The following C4orf50 variants were observed in gnomAD, a reference collection of about 807,000 sequenced individuals.
C4orf50 encodes uncharacterized protein C4orf50.
In C4orf50, 80 loss-of-function variants were observed where a neutral mutation model predicts 77.2. That is an observed-to-expected ratio of 1.04 (90% CI 0.87 to 1.25). The LOEUF is 1.25. Ranked by LOEUF, C4orf50 falls within the 50% of genes most tolerant of loss-of-function variation. The pLI, the probability that C4orf50 is intolerant of heterozygous loss-of-function variation, is 0.00. For missense variants in C4orf50, 1,257 were observed against 1,152.9 expected (o/e 1.09, Z -1.31); for synonymous variants, 532 against 465.3 (o/e 1.14, Z -1.84).
intron 7 of C4orf50, among the ~76,000 whole-genome samples, chr4:5,917,314 T>C (rs979853586): frequency 1.7e-4 from 26 of 151,752 alleles, no homozygotes; most frequent in Non-Finnish European, 3.7e-4. Flanking sequence ...TACAGGAAAG[T>C]ATAACTGAAA....
chr4:5,951,497 G>A (rs903058804), intron 7 of C4orf50, among the ~76,000 whole-genome samples: 10 of 152,080 alleles, frequency 6.6e-5, no homozygotes, highest in African/African-American at 2.2e-4. Flanking sequence ...TGATTACCCT[G>A]CAAACCAACA....
At chr4:5,948,242 G>T (rs75701412) in intron 7 of C4orf50, among the ~76,000 whole-genome samples, 2 of 152,232 alleles carry the variant, frequency 1.3e-5, no homozygotes, top group African/African-American at 4.8e-5. Flanking sequence ...AGGGGGCAAC[G>T]GGAAGTGCTG....
chr4:5,932,336 A>C lies in C4orf50; in HGVS notation c.*2474+24565T>G, dbSNP rs1323409221. On this transcript the variant is annotated intron_variant, in intron 7 of 7. Coordinates refer to the C4orf50 transcript ENST00000324058. This position sits in a 1 kb window ranked among gnomAD's most constrained non-coding sequence, Gnocchi z 4.2. ...TCCGTAAAGAATCCAGCCATCAAAG[A>C]GGGAGGCAGGCAGCGGACAGCTTGC... Among the ~76,000 whole-genome samples the C allele has an allele frequency of 2.0e-5, 3 of 152,196 alleles. No homozygotes were observed. Among genetic ancestry groups the C allele is most frequent in the Non-Finnish European group, 2.9e-5 (2 of 68,030 alleles).
chr4:5,963,855 C>A (rs1180735384), intron 33 of C4orf50, among the ~76,000 whole-genome samples: 2 of 152,148 alleles, frequency 1.3e-5, no homozygotes, highest in Non-Finnish European at 2.9e-5. Flanking sequence ...ACTTGCCCAA[C>A]ATCACAGGGA....
intron 7 of C4orf50, among the ~76,000 whole-genome samples, chr4:5,928,364 A>ACG (rs1717613344): frequency 1.9e-5 from 1 of 52,152 alleles, no homozygotes. Context: ...ACACACACAT[A>ACG]CACACACACA....
At chr4:5,965,491 T>C (rs1177729467) in intron 32 of C4orf50, among the ~76,000 whole-genome samples, 1 of 152,256 alleles carries the variant, frequency 6.6e-6, no homozygotes, top group African/African-American at 2.4e-5. Context: ...GGATCTGGCA[T>C]GTGGCGGCCC....
At chr4:5,923,830 T>C (rs926028823) in intron 7 of C4orf50, among the ~76,000 whole-genome samples, 1 of 152,102 alleles carries the variant, frequency 6.6e-6, no homozygotes, top group Non-Finnish European at 1.5e-5. Context: ...CCAAAGGAGA[T>C]TAACATTTGA....
intron 31 of C4orf50, among the ~76,000 whole-genome samples, chr4:5,969,425 A>G (rs16837939): frequency 0.21 from 31,947 of 149,030 alleles, 3,864 homozygotes; most frequent in African/African-American, 0.32. Context: ...GATCTCATTG[A>G]CAAATACCCA....
At chr4:5,954,532 GA>G (rs1396754163), downstream of C4orf50, among the ~76,000 whole-genome samples, 8 of 152,150 alleles carry the variant, frequency 5.3e-5, no homozygotes, top group African/African-American at 1.9e-4. The surrounding 1 kb of genome is among the most constrained non-coding windows in gnomAD (Gnocchi z 4.7). Flanking sequence ...GAGGATGGGG[GA>G]GGGGGGTCAG....
At chr4:5,945,840 T>C (rs56259839) in intron 7 of C4orf50, among the ~76,000 whole-genome samples, 12,916 of 152,238 alleles carry the variant, frequency 0.085, 1,492 homozygotes, top group African/African-American at 0.26. Flanking sequence ...GCTGCCCTGC[T>C]GGCTGTTGTT....
intron 7 of C4orf50, among the ~76,000 whole-genome samples, chr4:5,911,729 CAAAACAAAAACA>C (rs1042595191): frequency 1.3e-5 from 2 of 152,080 alleles, no homozygotes; most frequent in African/African-American, 4.8e-5. Flanking sequence ...AACTGGCTCT[CAAAACAAAAACA>C]AAAACAAAAA....
chr4:5,987,644 A>G (rs1379357269), intron 28 of C4orf50, among the ~76,000 whole-genome samples: 3 of 151,728 alleles, frequency 2.0e-5, no homozygotes, highest in East Asian at 3.9e-4. Context: ...AAAGATGGAG[A>G]AGGAGACACA....
At chr4:6,003,851 G>A (rs1046500809) in intron 25 of C4orf50, among the ~76,000 whole-genome samples, 6 of 110,078 alleles carry the variant, frequency 5.5e-5, no homozygotes, top group Middle Eastern at 5.8e-3. Context: ...AGTGATGATG[G>A]TGATGATGGT....
intron 25 of C4orf50, among the ~76,000 whole-genome samples, chr4:6,004,753 T>C (rs1006195000): frequency 6.0e-5 from 9 of 150,878 alleles, no homozygotes; most frequent in Non-Finnish European, 8.9e-5. Flanking sequence ...GTGATGATGG[T>C]GATGGTGATG....
intron 7 of C4orf50, among the ~76,000 whole-genome samples, chr4:5,927,642 TG>T (rs772555071): frequency 1.3e-5 from 2 of 149,940 alleles, no homozygotes; most frequent in Non-Finnish European, 2.9e-5. Flanking sequence ...TCTCTCTCTC[TG>T]TCTCTCTTTC....
intron 7 of C4orf50, among the ~76,000 whole-genome samples, chr4:5,947,987 T>G (rs1053693694): frequency 6.6e-6 from 1 of 152,180 alleles, no homozygotes; most frequent in South Asian, 2.1e-4. Context: ...CTGTCCCCTA[T>G]GTGCGCCCAC....
rs1477837747 is a variant in C4orf50 at position 5,973,853 on chromosome 4, G to A, written c.3922-12C>T. 4 of 1,598,462 alleles carry A rather than the reference G, an allele frequency of 2.5e-6. No homozygotes were observed. The highest frequency in any genetic ancestry group is 2.6e-6 in the Non-Finnish European group (3 of 1,170,592). ...GAAGCTATCTTGGCCTGAAAGGGAG[G>A]GAGGCCATGGATGCAGAGCTCCCAC... On this transcript the variant is annotated splice_polypyrimidine_tract_variant and intron_variant, in intron 30 of 33. Transcript: ENST00000531445.
chr4:6,004,405 G>T, intron 25 of C4orf50, among the ~76,000 whole-genome samples: 1 of 44,880 alleles, frequency 2.2e-5, no homozygotes, highest in African/African-American at 6.8e-5. Flanking sequence ...GATGGTGATG[G>T]AGATGTTGGT....
intron 7 of C4orf50, among the ~76,000 whole-genome samples, chr4:5,909,284 C>T (rs903316194): frequency 5.3e-5 from 8 of 152,170 alleles, no homozygotes; most frequent in East Asian, 1.9e-4. Flanking sequence ...AAGCAGGGTT[C>T]GGTGTCCAGA....
Sources: gnomAD v4.1 joint callset for allele counts (sites outside exome capture counted in the v4.1 genomes callset) on GRCh38, gnomAD v4.1.1 for gene constraint, Gnocchi (gnomAD v3.1) non-coding constraint, MANE v1.5 for transcripts, NCBI Gene and HGNC (gene_info 2026-07-23, HGNC 2026-07-21) for gene names.